The following CCDC169 variants were observed in gnomAD, a reference collection of about 807,000 sequenced individuals.
CCDC169 encodes coiled-coil domain containing 169, also known as coiled-coil domain-containing protein 169.
Under a neutral mutation model 36.0 loss-of-function variants are expected in CCDC169, and 30 were observed. That is an observed-to-expected ratio of 0.83 (90% confidence interval 0.62 to 1.13). The LOEUF (loss-of-function observed/expected upper bound fraction) is 1.13. Ranked by LOEUF, CCDC169 falls within the 50% of genes most tolerant of loss-of-function variation. The pLI, the probability that CCDC169 is intolerant of heterozygous loss-of-function variation, is 0.00. For missense variants in CCDC169, 245 were observed against 245.9 expected (o/e 1.00, Z 0.03); for synonymous variants, 85 against 81.5 (o/e 1.04, Z -0.23).
chr13:36,234,306 G>A (rs1415370300), intron 7 of CCDC169, among the ~76,000 whole-genome samples: 1 of 152,042 alleles, frequency 6.6e-6, no homozygotes, highest in African/African-American at 2.4e-5. Context: ...AGAGCCTATG[G>A]CGGCCCCCAC....
intron 4 of CCDC169, chr13:36,283,210 C>A: frequency 2.2e-6 from 1 of 459,200 alleles, no homozygotes; most frequent in Non-Finnish European, 3.8e-6. Flanking sequence ...CTATATCTTT[C>A]TCTGAAGGTT....
chr13:36,254,249 G>C, intron 4 of CCDC169, 106 bp from the exon 5 acceptor site: 1 of 548,964 alleles, frequency 1.8e-6, no homozygotes, highest in Non-Finnish European at 2.8e-6. Flanking sequence ...CTAATATTTT[G>C]TGATTTCATA....
chr13:36,285,584 A>T (rs953742116), intron 2 of CCDC169, among the ~76,000 whole-genome samples: 1 of 138,042 alleles, frequency 7.2e-6, no homozygotes, highest in Admixed American at 7.2e-5. Context: ...AAAATAAAAT[A>T]AGATAGATAG....
chr13:36,240,334 T>C (rs1480716031), intron 7 of CCDC169, among the ~76,000 whole-genome samples: 1 of 152,020 alleles, frequency 6.6e-6, no homozygotes, highest in Admixed American at 6.6e-5. Context: ...ATATAAATCA[T>C]CCACAATTTT....
intron 7 of CCDC169, among the ~76,000 whole-genome samples, chr13:36,242,632 G>A (rs1871976501): frequency 6.6e-6 from 1 of 151,624 alleles, no homozygotes. Context: ...CATTTATTTA[G>A]TCATAAATTC....
chr13:36,282,911 T>A (rs1004379642), intron 4 of CCDC169: 1 of 153,618 alleles, frequency 6.5e-6, no homozygotes, highest in African/African-American at 2.4e-5. Flanking sequence ...TGAGCCTCAG[T>A]TATCAAGAAG....
chr13:36,230,684 A>G, downstream of CCDC169: 1 of 794,890 alleles, frequency 1.3e-6, no homozygotes, highest in African/African-American at 1.9e-5. Context: ...TTCATGGCAG[A>G]GTGGAGACTA....
rs534675901 is a variant in CCDC169, at chr13:36,293,862, T to A, written c.163+1916A>T. 2.6e-5 allele frequency among the ~76,000 whole-genome samples: 4 copies of A among 152,176 alleles called. No homozygotes were observed. In the East Asian group the frequency reaches 7.8e-4, roughly 30 times the overall value. On this transcript the variant is annotated intron_variant, in intron 2 of 7. Transcript: ENST00000239859. The stretch of plus-strand genomic sequence containing the variant: ...ATTATAAGAGTTTGTTGTTTTAAGC[T>A]CCTAAATTATAGGGTGATTTGCTAT...
At chr13:36,273,171 G>GTCTTGTCTAATAAATATCATA (rs1390867031) in intron 4 of CCDC169, among the ~76,000 whole-genome samples, 4 of 152,248 alleles carry the variant, frequency 2.6e-5, no homozygotes, top group African/African-American at 9.6e-5. Flanking sequence ...CAGCTATCAT[G>GTCTTGTCTAATAAATATCATA]TCTTGTCTAA....
chr13:36,248,509 G>C (rs980055939), intron 7 of CCDC169, 97 bp downstream of exon 7: 1 of 1,135,856 alleles, frequency 8.8e-7, no homozygotes, highest in South Asian at 1.5e-5. Context: ...ATAAAACCTA[G>C]AAGTTCAGCT....
chr13:36,265,354 T>A (rs1361840553), intron 4 of CCDC169, among the ~76,000 whole-genome samples: 1 of 152,240 alleles, frequency 6.6e-6, no homozygotes, highest in Non-Finnish European at 1.5e-5. Flanking sequence ...AGTCACAAAC[T>A]GATCACCTTT....
At chr13:36,233,854 G>T (rs1174252471) in intron 7 of CCDC169, among the ~76,000 whole-genome samples, 3 of 152,184 alleles carry the variant, frequency 2.0e-5, no homozygotes, top group African/African-American at 7.2e-5. Flanking sequence ...CTCTTGGCCA[G>T]CAGGCAGAAA....
At chr13:36,223,646 T>A (rs917061402), downstream of CCDC169, 1 of 152,180 alleles carries the variant, frequency 6.6e-6, no homozygotes, top group African/African-American at 2.4e-5. Flanking sequence ...TATTCTGGTA[T>A]ACTCTGCCCT....
intron 7 of CCDC169, among the ~76,000 whole-genome samples, chr13:36,241,597 T>C (rs1364354406): frequency 2.6e-5 from 4 of 152,232 alleles, no homozygotes; most frequent in African/African-American, 9.6e-5. Flanking sequence ...TATTTTCATA[T>C]ATGTATATAT....
rs532410641 is a variant in CCDC169, at chr13:36,279,888, G to C, written c.315+3581C>G. 1.8e-3 allele frequency among the ~76,000 whole-genome samples: 267 copies of C among 152,206 alleles called. 1 individual carries two copies. Among genetic ancestry groups the C allele is most frequent in the African/African-American group, 6.1e-3 (253 of 41,534 alleles). ...TACAGAAAAGTTTGCTAAGCCTAGA[G>C]GAACACTTTGCACTGAAAGACACAT... is the stretch of plus-strand genomic sequence containing the variant. On this transcript the variant is annotated intron_variant, in intron 4 of 7. Transcript: ENST00000239859.
At position 36,297,629 on chromosome 13, in the gene CCDC169, C is replaced by T. The variant is rs552861950; in HGVS notation, c.83+8G>A. On this transcript the variant is annotated splice_region_variant and intron_variant, in intron 1 of 7. Transcript: ENST00000239859. ...CGGGACCCCACACCGCGCCGCCCGC[C>T]GACTCACTTCTTGCGGACTTCTTCC... 1.3e-6 allele frequency: 2 copies of T among 1,549,780 alleles called. No homozygotes were observed. Among genetic ancestry groups the T allele is most frequent in the Non-Finnish European group, 8.7e-7 (1 of 1,146,948 alleles).
At chr13:36,274,868 AT>A (rs3083971) in intron 4 of CCDC169, among the ~76,000 whole-genome samples, 1,411 of 118,456 alleles carry the variant, frequency 0.012, 15 homozygotes, top group African/African-American at 0.042. Flanking sequence ...CATTAGCTGC[AT>A]TTTTTTTTTT....
intron 4 of CCDC169, among the ~76,000 whole-genome samples, chr13:36,277,669 G>A (rs1338006890): frequency 6.6e-6 from 1 of 152,020 alleles, no homozygotes; most frequent in Non-Finnish European, 1.5e-5. Context: ...TTATTAAGAG[G>A]GTTAAATATC....
At chr13:36,251,461 G>A (rs1466284283) in intron 6 of CCDC169, among the ~76,000 whole-genome samples, 5 of 151,946 alleles carry the variant, frequency 3.3e-5, no homozygotes, top group Admixed American at 1.3e-4. Flanking sequence ...GTGATCCTGC[G>A]GAGTCAGAGT....
Sources: gnomAD v4.1 joint callset for allele counts (sites outside exome capture counted in the v4.1 genomes callset) on GRCh38, gnomAD v4.1.1 for gene constraint, MANE v1.5 for transcripts, NCBI Gene and HGNC (gene_info 2026-07-23, HGNC 2026-07-21) for gene names.